Variants in AUTS2 observed in about 807,000 individuals in gnomAD.
AUTS2 encodes activator of transcription and developmental regulator AUTS2, also known as autism susceptibility gene 2 protein.
Under a neutral mutation model 112.4 loss-of-function variants are expected in AUTS2, and 17 were observed. The ratio of observed to expected loss-of-function variants is 0.15; its 90% CI spans 0.10 to 0.23. The LOEUF (loss-of-function observed/expected upper bound fraction) is 0.23, where lower values mean the gene tolerates loss of function less well. Ranked by LOEUF, AUTS2 falls within the 10% of genes least tolerant of loss-of-function variation. AUTS2 has a pLI of 1.00. For synonymous variants in AUTS2, 751 were observed against 702.7 expected (o/e 1.07, Z -1.09); for missense variants, 1,510 against 1,701.6 (o/e 0.89, Z 1.98).
chr7:69,974,027 T>G (rs1195917332), intron 2 of AUTS2, among the ~76,000 whole-genome samples: 1 of 152,090 alleles, frequency 6.6e-6, no homozygotes, highest in Non-Finnish European at 1.5e-5. Context: ...TTGTGTGGAA[T>G]TCTGTAGTGG....
chr7:70,169,155 A>C (rs971531913), intron 4 of AUTS2, among the ~76,000 whole-genome samples: 4 of 152,196 alleles, frequency 2.6e-5, no homozygotes, highest in Non-Finnish European at 5.9e-5. Context: ...GTTTTATTTA[A>C]GGAAAAAATA....
chr7:69,667,848 C>G (rs948608427), intron 1 of AUTS2, among the ~76,000 whole-genome samples: 3 of 152,198 alleles, frequency 2.0e-5, no homozygotes, highest in Admixed American at 1.3e-4. Flanking sequence ...TCCTGACCAT[C>G]TCTCTACAGC....
At chr7:69,690,425 G>A (rs777613761) in intron 1 of AUTS2, among the ~76,000 whole-genome samples, 2 of 152,198 alleles carry the variant, frequency 1.3e-5, no homozygotes, top group Non-Finnish European at 2.9e-5. Flanking sequence ...CACCCACTCA[G>A]CTGGGCAGGC....
chr7:69,622,155 T>A (rs1793699153), intron 1 of AUTS2, among the ~76,000 whole-genome samples: 1 of 152,174 alleles, frequency 6.6e-6, no homozygotes, highest in Non-Finnish European at 1.5e-5. Context: ...TGTTACCTGT[T>A]TCCTTGGCTA....
intron 1 of AUTS2, among the ~76,000 whole-genome samples, chr7:69,681,980 G>T (rs905813668): frequency 3.3e-5 from 5 of 152,092 alleles, no homozygotes; most frequent in Admixed American, 2.6e-4. Context: ...ACAAACTGTT[G>T]TTTCACAGTT....
rs552339159 is a variant in AUTS2, at chr7:70,762,107, A to G, written c.743-763A>G. ...GAAAGTGGGGAGGAAGGGAAGGCCAAGAAAAAACATCCGTGTGATGTTAAA... is the reference window on the plus strand; with the variant it reads ...GAAAGTGGGGAGGAAGGGAAGGCCAGGAAAAAACATCCGTGTGATGTTAAA... On this transcript the variant is annotated intron_variant, in intron 6 of 18. Transcript: ENST00000342771. Among the ~76,000 whole-genome samples the G allele has an allele frequency of 6.6e-5, 10 of 152,356 alleles. No homozygotes were observed. In the East Asian group the frequency reaches 1.9e-3, roughly 29 times the overall value.
chr7:69,675,183 T>A (rs575203033), intron 1 of AUTS2, among the ~76,000 whole-genome samples: 1 of 152,328 alleles, frequency 6.6e-6, no homozygotes, highest in Non-Finnish European at 1.5e-5. Flanking sequence ...CTCTTTTAAA[T>A]AGCCTAAGTG....
At chr7:70,031,224 C>G (rs1800764269) in intron 2 of AUTS2, among the ~76,000 whole-genome samples, 1 of 152,052 alleles carries the variant, frequency 6.6e-6, no homozygotes, top group Non-Finnish European at 1.5e-5. Context: ...TTGGATTAGA[C>G]AATGTTAATT....
rs575468380 is a variant in AUTS2, at chr7:70,746,232, C to T, written c.743-16638C>T. On this transcript the variant is annotated intron_variant, in intron 6 of 18. Transcript: ENST00000342771. ...CACAATCTCAGCTCGCTGCCACTTC[C>T]GCCTCCCGGTTCAAGCGATTCTCCT... Among the ~76,000 whole-genome samples the T allele has an allele frequency of 1.0e-3, 156 of 152,216 alleles. 1 individual carries two copies. The highest frequency in any genetic ancestry group is 3.6e-3 in the African/African-American group (148 of 41,540).
chr7:70,320,242 G>A (rs1790189933), intron 4 of AUTS2, among the ~76,000 whole-genome samples: 1 of 152,136 alleles, frequency 6.6e-6, no homozygotes, highest in Admixed American at 6.5e-5. Context: ...GAAGCTACTG[G>A]TACTGAAAAG....
rs537719814 is a variant in AUTS2, at chr7:70,088,757, C to T, written c.523-29375C>T. 1.4e-4 allele frequency among the ~76,000 whole-genome samples: 22 copies of T among 152,082 alleles called. No homozygotes were observed. In the South Asian group the frequency reaches 2.7e-3, roughly 19 times the overall value. On this transcript the variant is annotated intron_variant, in intron 2 of 18. Coordinates refer to ENST00000342771, the MANE Select transcript of AUTS2 (RefSeq NM_015570.4). ...CCTCCCAAGTAGCTGAGATTACAGGCGCTTACCACCATGCCCAGCTAATTT... is the reference window on the plus strand; with the variant it reads ...CCTCCCAAGTAGCTGAGATTACAGGTGCTTACCACCATGCCCAGCTAATTT...
intron 1 of AUTS2, among the ~76,000 whole-genome samples, chr7:69,725,380 A>G (rs1786459880): frequency 6.6e-6 from 1 of 152,194 alleles, no homozygotes; most frequent in Middle Eastern, 3.2e-3. Context: ...GTTGCCTACC[A>G]CATAGTCTAT....
intron 5 of AUTS2, among the ~76,000 whole-genome samples, chr7:70,634,110 C>T (rs1399431640): frequency 1.3e-5 from 2 of 152,090 alleles, no homozygotes; most frequent in African/African-American, 2.4e-5. Flanking sequence ...AGCAAAAGGT[C>T]CCTGCCCTTG....
At chr7:70,619,557 A>G (rs565605839) in intron 5 of AUTS2, among the ~76,000 whole-genome samples, 78 of 113,552 alleles carry the variant, frequency 6.9e-4, no homozygotes, top group African/African-American at 2.9e-3. Context: ...AGTGCTGGTC[A>G]AGGTATTAAA....
chr7:70,473,575 C>T (rs1025482508), intron 5 of AUTS2, among the ~76,000 whole-genome samples: 4 of 152,156 alleles, frequency 2.6e-5, no homozygotes, highest in Non-Finnish European at 4.4e-5. Flanking sequence ...CCAGGCCTCT[C>T]GTATCCTGTG....
intron 6 of AUTS2, among the ~76,000 whole-genome samples, chr7:70,705,160 A>G (rs1409642832): frequency 2.0e-5 from 3 of 152,240 alleles, no homozygotes; most frequent in Non-Finnish European, 4.4e-5. Flanking sequence ...TGCGGCTTAT[A>G]TAAGAATTCC....
At chr7:70,667,946 T>A (rs1807431228) in intron 5 of AUTS2, among the ~76,000 whole-genome samples, 1 of 152,016 alleles carries the variant, frequency 6.6e-6, no homozygotes, top group South Asian at 2.1e-4. Flanking sequence ...TCACTGGGGG[T>A]CTCCCTAAAA....
chr7:69,866,322 TG>T (rs1793230258), intron 1 of AUTS2, among the ~76,000 whole-genome samples: 1 of 152,176 alleles, frequency 6.6e-6, no homozygotes, highest in Non-Finnish European at 1.5e-5. Flanking sequence ...CTTATAGGTG[TG>T]TGTTTTGTTC....
chr7:70,533,378 T>C (rs1387187128), intron 5 of AUTS2, among the ~76,000 whole-genome samples: 2 of 151,772 alleles, frequency 1.3e-5, no homozygotes, highest in East Asian at 1.9e-4. Flanking sequence ...CCTCCCGGAG[T>C]GATGGGATTA....
Sources: allele counts gnomAD v4.1 joint callset (sites outside exome capture counted in the v4.1 genomes callset), GRCh38; gene constraint gnomAD v4.1.1; transcripts MANE v1.5; gene names NCBI Gene and HGNC (gene_info 2026-07-23, HGNC 2026-07-21).